Variants in PSMF1 observed in about 807,000 individuals in gnomAD.
PSMF1 encodes the protein proteasome inhibitor PI31 subunit.
In PSMF1, 30 loss-of-function variants were observed where a neutral mutation model predicts 29.3. The observed-to-expected ratio is 1.02, with a 90% CI of 0.77 to 1.39. PSMF1 has a LOEUF of 1.39. Ranked by LOEUF, PSMF1 falls within the 40% of genes most tolerant of loss-of-function variation. The pLI is 0.00. For missense variants in PSMF1, 344 were observed against 357.5 expected, an observed-to-expected ratio of 0.96 and a Z score of 0.31; for synonymous variants, 134 against 139.7, an observed-to-expected ratio of 0.96 and a Z score of 0.29.
chr20:1,135,393 C>T (rs551955021), intron 4 of PSMF1, 87 bp downstream of exon 4: 3 of 1,353,166 alleles, frequency 2.2e-6, no homozygotes, highest in Non-Finnish European at 3.0e-6. Flanking sequence ...GACCCCATCC[C>T]TGGCCCGTAT....
chr20:1,128,824 C>T (rs546693134), intron 3 of PSMF1, among the ~76,000 whole-genome samples: 8 of 152,058 alleles, frequency 5.3e-5, no homozygotes, highest in Admixed American at 1.3e-4. Context: ...CTCAGCTTCC[C>T]GAGTAACTGG....
At chr20:1,147,860 G>A (rs143925958) in intron 4 of PSMF1, among the ~76,000 whole-genome samples, 2 of 152,114 alleles carry the variant, frequency 1.3e-5, no homozygotes, top group Admixed American at 6.6e-5. Context: ...CCCAGTTTTG[G>A]GGGGAGGCCA....
chr20:1,165,173 G>C lies in PSMF1; in HGVS notation c.*93G>C. The C allele has an allele frequency of 6.2e-7, 1 of 1,604,812 alleles. No homozygotes were observed. On this transcript the variant is annotated 3_prime_UTR_variant, in exon 7 of 7. Coordinates refer to ENST00000335877, the MANE Select transcript of PSMF1 (RefSeq NM_006814.5). ...AGCAACCATGTTCTTGCAGGCTGGG[G>C]GCAAGGGATTCTGCTCATGTGTTTG...
rs1187683027 is a variant in PSMF1 at position 1,169,272 on chromosome 20, A to C, written c.*4192A>C. Among the ~76,000 whole-genome samples the C allele has an allele frequency of 6.6e-6, 1 of 152,186 alleles. No homozygotes were observed. Among genetic ancestry groups the C allele is most frequent in the African/African-American group, 2.4e-5 (1 of 41,442 alleles). On this transcript the variant is annotated 3_prime_UTR_variant, in exon 7 of 7. Transcript: ENST00000335877. ...AAGGGTGGCAGGTAGGATGGTAGGCAGTGAGGGGTGGCAAGGCCTAGCTGA... is the reference window on the plus strand; with the variant it reads ...AAGGGTGGCAGGTAGGATGGTAGGCCGTGAGGGGTGGCAAGGCCTAGCTGA...
rs58779664 is a variant in PSMF1 at position 1,113,445 on chromosome 20, AACACACACAC to A, written c.-22+75_-22+84del. On this transcript the variant is annotated intron_variant, in intron 1 of 7. Coordinates refer to the PSMF1 transcript ENST00000333082. ...AGAAAGTGCTGGATGGATCAGGGGC[AACACACACAC>A]ACACACACACACACACACACACACA... is the stretch of plus-strand genomic sequence containing the variant. The A allele has an allele frequency of 1.8e-3, 204 of 114,540 alleles. 1 individual carries two copies. Among genetic ancestry groups the A allele is most frequent in the African/African-American group, 5.9e-3 (175 of 29,790 alleles). 7.1% of individuals were successfully genotyped at this position (114,540 alleles called of 1,614,324 possible).
At chr20:1,131,272 A>G (rs1259160960) in intron 3 of PSMF1, among the ~76,000 whole-genome samples, 4 of 152,382 alleles carry the variant, frequency 2.6e-5, no homozygotes, top group East Asian at 3.9e-4. Context: ...CTGTTCAGCA[A>G]TACTGAAAGA....
intron 4 of PSMF1, among the ~76,000 whole-genome samples, chr20:1,150,269 T>G (rs2086511459): frequency 6.6e-6 from 1 of 152,098 alleles, no homozygotes; most frequent in South Asian, 2.1e-4. Context: ...TTTACAAAAC[T>G]TGACAATCTA....
At chr20:1,143,799 GA>G (rs965395126) in intron 4 of PSMF1, among the ~76,000 whole-genome samples, 1 of 152,018 alleles carries the variant, frequency 6.6e-6, no homozygotes, top group African/African-American at 2.4e-5. Context: ...TTAGAAAATG[GA>G]AAAATGAAGG....
In PSMF1 at chr20:1,166,456, G is replaced by A. The variant is rs929000435; in HGVS notation, c.*1376G>A. 4.8e-6 allele frequency: 3 copies of A among 626,604 alleles called. No individual in the cohort carries two copies. The highest frequency in any genetic ancestry group is 5.3e-5 in the Admixed American group (2 of 38,028). The allele number at this position is 626,604 out of a possible 1,614,324, so 38.8% of individuals were successfully genotyped here. ...AGCAAGCTACTGTAGCTCTTCTGAG[G>A]TATCTGCCAGGCTGTTTTCTGTAGC... is the stretch of plus-strand genomic sequence containing the variant. On this transcript the variant is annotated 3_prime_UTR_variant, in exon 7 of 7. Coordinates refer to ENST00000335877, the MANE Select transcript of PSMF1 (RefSeq NM_006814.5).
intron 4 of PSMF1, among the ~76,000 whole-genome samples, chr20:1,158,216 T>TA (rs11380096): frequency 0.23 from 34,822 of 151,326 alleles, 5,216 homozygotes; most frequent in East Asian, 0.66. Flanking sequence ...AAAACTAAAT[T>TA]AAAAAAAAAC....
intron 4 of PSMF1, among the ~76,000 whole-genome samples, chr20:1,138,518 C>CAAAA (rs34220986): frequency 1.0e-5 from 1 of 97,772 alleles, no homozygotes; most frequent in Non-Finnish European, 2.1e-5. Context: ...GACTGCATCT[C>CAAAA]AAAAAAAAAA....
At chr20:1,133,163 A>G (rs1332551440) in intron 3 of PSMF1, among the ~76,000 whole-genome samples, 2 of 151,334 alleles carry the variant, frequency 1.3e-5, no homozygotes, top group East Asian at 1.9e-4. Flanking sequence ...CTCGTTCCCA[A>G]TCTTAGGAGC....
At chr20:1,120,160 C>T (rs552706592) in intron 1 of PSMF1, among the ~76,000 whole-genome samples, 1 of 152,204 alleles carries the variant, frequency 6.6e-6, no homozygotes, top group Non-Finnish European at 1.5e-5. Flanking sequence ...TTACCCCCTC[C>T]AGCAGGAATC....
intron 4 of PSMF1, among the ~76,000 whole-genome samples, chr20:1,145,890 C>G (rs2086443368): frequency 6.6e-6 from 1 of 152,176 alleles, no homozygotes; most frequent in African/African-American, 2.4e-5. Flanking sequence ...GGAGTTTACC[C>G]CACTTCTGAC....
chr20:1,122,523 C>G (rs191429132), intron 1 of PSMF1, among the ~76,000 whole-genome samples: 5 of 152,220 alleles, frequency 3.3e-5, no homozygotes, highest in African/African-American at 1.2e-4. Context: ...TGGTCTCGAA[C>G]TCCTGAATGC....
chr20:1,158,671 AC>A (rs2086625633), intron 4 of PSMF1, among the ~76,000 whole-genome samples: 1 of 152,192 alleles, frequency 6.6e-6, no homozygotes, highest in African/African-American at 2.4e-5. Context: ...GCGACATACT[AC>A]CCAGTGAGCT....
intron 4 of PSMF1, among the ~76,000 whole-genome samples, chr20:1,154,676 A>C (rs1378063231): frequency 1.3e-5 from 2 of 152,242 alleles, no homozygotes; most frequent in East Asian, 3.8e-4. Flanking sequence ...TCCCACTCCT[A>C]GTCTTCTGAA....
intron 4 of PSMF1, among the ~76,000 whole-genome samples, chr20:1,150,960 A>G (rs367700373): frequency 1.3e-5 from 2 of 152,330 alleles, no homozygotes; most frequent in South Asian, 2.1e-4. Context: ...TGTGAGATTT[A>G]TATTTTTCCA....
chr20:1,131,201 CA>C (rs2086224299), intron 3 of PSMF1, among the ~76,000 whole-genome samples: 1 of 152,258 alleles, frequency 6.6e-6, no homozygotes, highest in South Asian at 2.1e-4. Flanking sequence ...GAGAAATTGA[CA>C]AAACCTGTGG....
Sources: allele counts gnomAD v4.1 joint callset (sites outside exome capture counted in the v4.1 genomes callset), GRCh38; gene constraint gnomAD v4.1.1; transcripts MANE v1.5; gene names NCBI Gene and HGNC (gene_info 2026-07-23, HGNC 2026-07-21).